Variants in PPP4R1 observed in about 807,000 individuals in gnomAD.
The protein encoded by PPP4R1 is serine/threonine-protein phosphatase 4 regulatory subunit 1.
In PPP4R1, 42 loss-of-function variants were observed where a neutral mutation model predicts 111.2. That is an observed-to-expected ratio of 0.38 (90% confidence interval 0.29 to 0.49). The LOEUF is 0.49. Ranked by LOEUF, PPP4R1 falls within the 20% of genes least tolerant of loss-of-function variation. The pLI, the probability that PPP4R1 is intolerant of heterozygous loss-of-function variation, is 0.97. For missense variants in PPP4R1, 1,012 were observed against 1,161.6 expected, an observed-to-expected ratio of 0.87 and a Z score of 1.87; for synonymous variants, 409 against 405.5, an observed-to-expected ratio of 1.01 and a Z score of -0.10.
intron 8 of PPP4R1, 123 bp downstream of exon 8, chr18:9,584,392 A>G (rs1461109664): frequency 3.8e-6 from 3 of 792,522 alleles, no homozygotes; most frequent in African/African-American, 1.8e-5. Context: ...ATTCAAAATT[A>G]TCTTTCTGGT....
intron 2 of PPP4R1, among the ~76,000 whole-genome samples, chr18:9,596,252 A>T (rs2067287901): frequency 6.6e-6 from 1 of 152,232 alleles, no homozygotes; most frequent in Admixed American, 6.5e-5. Flanking sequence ...AGAAAATATT[A>T]CTGATGGAAA....
chr18:9,588,941 G>C, intron 4 of PPP4R1, 88 bp from the exon 5 acceptor site: 3 of 1,472,644 alleles, frequency 2.0e-6, no homozygotes, highest in Non-Finnish European at 2.7e-6. Context: ...GGAAGGCTAT[G>C]GACTTTCATC....
rs552053501 is a variant in PPP4R1, at chr18:9,547,825, G to A, written c.2817C>T (p.Ser939=). ...AGGACGCTGTGCTCATGGCATCTTC[G>A]GAGATTTTGGTACTGGCAGGGTGGA... The part of the protein sequence containing the change: ...ASIHPASTKI[S]EDAMSTASST... The change falls in exon 20 of 20, where the codon TCC becomes TCT. Residue 939 remains serine (S), a synonymous_variant. Transcript: ENST00000400556. 36 of 1,613,364 alleles carry A rather than the reference G, an allele frequency of 2.2e-5. No individual in the cohort carries two copies. Among genetic ancestry groups the A allele is most frequent in the Middle Eastern group, 1.8e-4 (1 of 5,508 alleles).
chr18:9,608,563 G>C (rs190336901), intron 2 of PPP4R1, among the ~76,000 whole-genome samples: 1 of 152,350 alleles, frequency 6.6e-6, no homozygotes, highest in East Asian at 1.9e-4. Context: ...TCAAAGATCT[G>C]TGCTAAAAGC....
chr18:9,578,170 A>G (rs2066968026), intron 9 of PPP4R1, among the ~76,000 whole-genome samples: 1 of 152,240 alleles, frequency 6.6e-6, no homozygotes, highest in African/African-American at 2.4e-5. Context: ...GACAAAGGCA[A>G]CAACAATGGG....
intron 12 of PPP4R1, chr18:9,563,168 T>A (rs2066705067): frequency 1.6e-6 from 2 of 1,231,166 alleles, no homozygotes; most frequent in African/African-American, 1.6e-5. Flanking sequence ...TAGACAGAAG[T>A]GGGATTTACT....
intron 2 of PPP4R1, among the ~76,000 whole-genome samples, chr18:9,602,735 C>T (rs189831026): frequency 1.3e-3 from 200 of 150,388 alleles, no homozygotes; most frequent in African/African-American, 4.8e-3. Flanking sequence ...ACAGGAGAAT[C>T]GCTTCAAACC....
chr18:9,549,832 G>A (rs1171174510), intron 18 of PPP4R1: 2 of 628,760 alleles, frequency 3.2e-6, no homozygotes, highest in African/African-American at 1.8e-5. Flanking sequence ...CACGTGGGGT[G>A]TGTGTGGTGC....
At chr18:9,593,746 A>C in intron 4 of PPP4R1, 22 bp downstream of exon 4, 1 of 1,597,522 alleles carries the variant, frequency 6.3e-7, no homozygotes, top group East Asian at 2.2e-5. Flanking sequence ...GAATAGAGTA[A>C]ATTCACTTTC....
chr18:9,596,499 C>G lies in PPP4R1; in HGVS notation c.53-1346G>C, dbSNP rs187986046. ...CTCCATGAGGACAGAAATTTTTATC[C>G]CATACACTGCTTCATCTCCAGGATA... is the stretch of plus-strand genomic sequence containing the variant. On this transcript the variant is annotated intron_variant, in intron 2 of 19. Coordinates refer to ENST00000400556, the MANE Select transcript of PPP4R1 (RefSeq NM_001042388.3). Among the ~76,000 whole-genome samples, 7 of 152,284 alleles carry G rather than the reference C, an allele frequency of 4.6e-5. No homozygotes were observed. The East Asian group carries it at 1.2e-3, about 25-fold the overall frequency.
intron 6 of PPP4R1, chr18:9,587,329 T>TA (rs2067133617): frequency 6.6e-6 from 1 of 152,204 alleles, no homozygotes; most frequent in African/African-American, 2.4e-5. Context: ...GCCCTGATTG[T>TA]ATTTCAAATT....
At chr18:9,609,913 G>A (rs2067548276) in intron 2 of PPP4R1, among the ~76,000 whole-genome samples, 1 of 152,314 alleles carries the variant, frequency 6.6e-6, no homozygotes, top group Non-Finnish European at 1.5e-5. Context: ...TGTTTCTTTA[G>A]TCCCTTTGGG....
intron 2 of PPP4R1, among the ~76,000 whole-genome samples, chr18:9,613,371 C>A (rs1039771156): frequency 6.6e-6 from 1 of 152,174 alleles, no homozygotes; most frequent in African/African-American, 2.4e-5. Flanking sequence ...ACTCTTTTGT[C>A]TTTTCTATCG....
Position 9,577,053 on chromosome 18 carries a change from C to CA in PPP4R1, c.1046+10dup, listed in dbSNP as rs761744900. 4 of 1,519,090 alleles carry CA rather than the reference C, an allele frequency of 2.6e-6. No homozygotes were observed. Among genetic ancestry groups the CA allele is most frequent in the Admixed American group, 4.6e-5 (2 of 43,182 alleles). The allele number at this position is 1,519,090 out of a possible 1,614,324, so 94.1% of individuals were successfully genotyped here. A position where few individuals can be genotyped will look rare whatever the true frequency, so the allele number is the denominator to read the frequency against. On this transcript the variant is annotated intron_variant, in intron 10 of 19. Transcript: ENST00000400556. The stretch of plus-strand genomic sequence containing the variant: ...AGGTTTTAAAATTAGAAAATGGTTT[C>CA]AAAATTATACCTATTTTTGTTTTCT...
At chr18:9,580,271 G>A (rs1342479767) in intron 9 of PPP4R1, among the ~76,000 whole-genome samples, 1 of 151,512 alleles carries the variant, frequency 6.6e-6, no homozygotes, top group East Asian at 1.9e-4. Context: ...ATGGCCCTAG[G>A]AGCAAGCAGC....
In PPP4R1 at chr18:9,549,353, C is replaced by T. The variant is rs2066451680; in HGVS notation, c.2548-15G>A. 1.3e-6 allele frequency: 2 copies of T among 1,591,318 alleles called. No homozygotes were observed. The highest frequency in any genetic ancestry group is 1.3e-5 in the African/African-American group (1 of 74,718). On this transcript the variant is annotated splice_polypyrimidine_tract_variant and intron_variant, in intron 18 of 19. Transcript: ENST00000400556. ...TCAATGACAGTCTGGGGAAGAGAAACAGCTGCTCTAGGCTTCTCTGTCAAT... is the reference window on the plus strand; with the variant it reads ...TCAATGACAGTCTGGGGAAGAGAAATAGCTGCTCTAGGCTTCTCTGTCAAT...
chr18:9,612,587 A>C (rs1481409750), intron 2 of PPP4R1: 1 of 152,238 alleles, frequency 6.6e-6, no homozygotes, highest in Non-Finnish European at 1.5e-5. Flanking sequence ...TTTTTGCTCC[A>C]GTCATAAATA....
At position 9,549,251 on chromosome 18, in the gene PPP4R1, G is replaced by A; in HGVS notation, c.2635C>T (p.Pro879Ser). The change falls in exon 19 of 20, where the codon CCT (proline) becomes TCT (serine). Residue 879 changes from proline to serine, a missense_variant. Physicochemically the swap from Pro to Ser is moderately conservative, Grantham distance 74. This residue lies in a region of PPP4R1 where 305 missense variants were observed against 419.5 expected (regional missense o/e 0.73). Transcript: ENST00000400556. ...HLLTLANDRVPNVRVLLAKTL... is the reference protein window; with the variant it reads ...HLLTLANDRVSNVRVLLAKTL... ...TTTGCAAGCAGCACTCGCACGTTAGGAACCCTGTCATTTGCTAAGGTTAGC... is the reference window on the plus strand; with the variant it reads ...TTTGCAAGCAGCACTCGCACGTTAGAAACCCTGTCATTTGCTAAGGTTAGC... 6.2e-7 allele frequency: 1 copy of A among 1,614,040 alleles called. No individual in the cohort carries two copies. The highest frequency in any genetic ancestry group is 8.5e-7 in the Non-Finnish European group (1 of 1,179,942).
At chr18:9,595,515 T>C (rs1598948735) in intron 2 of PPP4R1, among the ~76,000 whole-genome samples, 1 of 152,210 alleles carries the variant, frequency 6.6e-6, no homozygotes, top group East Asian at 1.9e-4. Context: ...AGTCCTGCAA[T>C]GTGGAAGATA....
Sources: gnomAD v4.1 joint callset for allele counts (sites outside exome capture counted in the v4.1 genomes callset) on GRCh38, gnomAD v4.1.1 for gene constraint, gnomAD v4.1.1 regional missense constraint, MANE v1.5 for transcripts, NCBI Gene and HGNC (gene_info 2026-07-23, HGNC 2026-07-21) for gene names.